Variants in NKAIN3 observed in about 807,000 individuals in gnomAD.
NKAIN3 encodes the protein sodium/potassium transporting ATPase interacting 3, also known as sodium/potassium-transporting ATPase subunit beta-1-interacting protein 3.
A neutral mutation model predicts 30.2 loss-of-function variants in NKAIN3; 25 were observed. The observed-to-expected ratio is 0.83, with a 90% CI of 0.60 to 1.16. The LOEUF (loss-of-function observed/expected upper bound fraction) is 1.16. NKAIN3 is among the 50% of genes most tolerant of loss of function. The probability of loss-of-function intolerance (pLI) is 0.00; values close to 1 mark genes in which losing one functional copy is unlikely to be tolerated. For synonymous variants in NKAIN3, 91 were observed against 89.6 expected (o/e 1.02, Z -0.09); for missense variants, 225 against 254.1 (o/e 0.89, Z 0.78).
chr8:62,817,880 G>A (rs969848058), intron 4 of NKAIN3, among the ~76,000 whole-genome samples: 3 of 152,000 alleles, frequency 2.0e-5, no homozygotes, highest in African/African-American at 7.2e-5. Context: ...TTCATTTATC[G>A]TTTTTGTGTT....
rs565329075 is a variant in NKAIN3 at position 62,688,436 on chromosome 8, A to G, written c.274-58496A>G. Among the ~76,000 whole-genome samples, 22 of 152,312 alleles carry G rather than the reference A, an allele frequency of 1.4e-4. No individual in the cohort carries two copies. In the South Asian group the frequency reaches 3.5e-3, roughly 24 times the overall value. On this transcript the variant is annotated intron_variant, in intron 3 of 6. Transcript: ENST00000623646. The stretch of plus-strand genomic sequence containing the variant: ...GTAGTAGATGTTTGCTAAACATTAA[A>G]TCTGTGCACCTTAAAACATCCAGTA...
intron 1 of NKAIN3, among the ~76,000 whole-genome samples, chr8:62,471,015 G>T (rs1806324889): frequency 6.6e-6 from 1 of 152,084 alleles, no homozygotes; most frequent in Non-Finnish European, 1.5e-5. Flanking sequence ...CAGACATTCA[G>T]TGAAAAATTC....
intron 3 of NKAIN3, among the ~76,000 whole-genome samples, chr8:62,663,779 C>T (rs1025513763): frequency 6.6e-6 from 1 of 152,068 alleles, no homozygotes; most frequent in African/African-American, 2.4e-5. Flanking sequence ...GACAGTAATA[C>T]AAAAGAATAA....
chr8:62,937,144 C>A (rs950413874), intron 5 of NKAIN3, among the ~76,000 whole-genome samples: 1 of 152,050 alleles, frequency 6.6e-6, no homozygotes, highest in Admixed American at 6.6e-5. Context: ...CTATTCTTGA[C>A]CACATTGCAA....
At chr8:62,274,372 A>C (rs1055435010) in intron 1 of NKAIN3, among the ~76,000 whole-genome samples, 1 of 152,036 alleles carries the variant, frequency 6.6e-6, no homozygotes, top group African/African-American at 2.4e-5. Flanking sequence ...GGTGTAGTCT[A>C]TGATCTGTGA....
At chr8:62,497,560 G>A (rs1304215851) in intron 1 of NKAIN3, among the ~76,000 whole-genome samples, 2 of 151,898 alleles carry the variant, frequency 1.3e-5, no homozygotes, top group Non-Finnish European at 2.9e-5. Flanking sequence ...CTACCTACAA[G>A]TTTTTACTTG....
chr8:62,727,426 T>C (rs1815295903), intron 3 of NKAIN3, among the ~76,000 whole-genome samples: 1 of 152,106 alleles, frequency 6.6e-6, no homozygotes, highest in Non-Finnish European at 1.5e-5. Context: ...ACAGATGCCA[T>C]GGTCATCTAT....
At chr8:62,262,219 G>C (rs1229512056) in intron 1 of NKAIN3, among the ~76,000 whole-genome samples, 1 of 152,028 alleles carries the variant, frequency 6.6e-6, no homozygotes, top group Non-Finnish European at 1.5e-5. Flanking sequence ...CATTTCTGTT[G>C]GTAGAAGGTA....
chr8:62,325,899 A>G lies in NKAIN3; in HGVS notation c.54+76772A>G, dbSNP rs181100766. ...TGTTTGAGTTTCTTGTAGATTCTGG[A>G]TATTAGTCTTTTGTGGGATGCGTGG... On this transcript the variant is annotated intron_variant, in intron 1 of 6. Transcript: ENST00000623646. Among the ~76,000 whole-genome samples the G allele has an allele frequency of 8.6e-5, 13 of 151,852 alleles. No homozygotes were observed. In the East Asian group the frequency reaches 2.3e-3, roughly 27 times the overall value.
intron 1 of NKAIN3, among the ~76,000 whole-genome samples, chr8:62,370,605 G>T (rs1222276378): frequency 6.6e-6 from 1 of 151,878 alleles, no homozygotes; most frequent in Non-Finnish European, 1.5e-5. Context: ...GTTATAAACG[G>T]AAAAATCTTC....
At chr8:62,865,861 T>A (rs1820399321) in intron 4 of NKAIN3, among the ~76,000 whole-genome samples, 1 of 152,170 alleles carries the variant, frequency 6.6e-6, no homozygotes, top group Non-Finnish European at 1.5e-5. Flanking sequence ...AGCTACCAAG[T>A]CTTGAGTTCT....
chr8:62,798,277 G>C (rs1817932116), intron 4 of NKAIN3, among the ~76,000 whole-genome samples: 1 of 152,044 alleles, frequency 6.6e-6, no homozygotes, highest in Non-Finnish European at 1.5e-5. Context: ...TCCACTATTA[G>C]AAAGTAAAAA....
In NKAIN3 at chr8:62,588,385, GC is replaced by G. The variant is rs142631434; in HGVS notation, c.193-1328del. On this transcript the variant is annotated intron_variant, in intron 2 of 6. Transcript: ENST00000623646. ...CAACTAAATTTCCAGTGATTTTTGA[GC>G]TTTTACTCATTATTATAATTGTATT... is the stretch of plus-strand genomic sequence containing the variant. Among the ~76,000 whole-genome samples the G allele has an allele frequency of 3.2e-3, 485 of 151,750 alleles. 2 individuals are homozygous for G. Among genetic ancestry groups the G allele is most frequent in the African/African-American group, 0.011 (451 of 41,468 alleles).
At chr8:62,457,308 G>A (rs1805852730) in intron 1 of NKAIN3, among the ~76,000 whole-genome samples, 1 of 152,196 alleles carries the variant, frequency 6.6e-6, no homozygotes, top group Non-Finnish European at 1.5e-5. Context: ...TAAACTACTG[G>A]TAAGTGTTTT....
intron 1 of NKAIN3, among the ~76,000 whole-genome samples, chr8:62,283,552 A>C (rs1221664957): frequency 6.6e-6 from 1 of 152,140 alleles, no homozygotes; most frequent in Non-Finnish European, 1.5e-5. Context: ...TATATATGTC[A>C]TTATATTTTC....
intron 3 of NKAIN3, among the ~76,000 whole-genome samples, chr8:62,719,149 A>G (rs1356984432): frequency 6.6e-6 from 1 of 152,026 alleles, no homozygotes; most frequent in Non-Finnish European, 1.5e-5. Flanking sequence ...TTCATAGTAA[A>G]CTCTCTTTAC....
At chr8:62,511,311 G>T (rs1167011864) in intron 1 of NKAIN3, among the ~76,000 whole-genome samples, 1 of 152,022 alleles carries the variant, frequency 6.6e-6, no homozygotes, top group Admixed American at 6.6e-5. Flanking sequence ...CTCTCTTCAT[G>T]CTCACTTCAC....
intron 4 of NKAIN3, among the ~76,000 whole-genome samples, chr8:62,859,867 G>A (rs1820189285): frequency 6.6e-6 from 1 of 152,094 alleles, no homozygotes; most frequent in Admixed American, 6.6e-5. Flanking sequence ...AGAAGATATA[G>A]CCCAGTAAAT....
chr8:62,713,441 A>G (rs919579135), intron 3 of NKAIN3, among the ~76,000 whole-genome samples: 2 of 152,250 alleles, frequency 1.3e-5, no homozygotes, highest in Admixed American at 1.3e-4. Context: ...AATGCAACAT[A>G]TAGATAACTT....
Sources: gnomAD v4.1 joint callset for allele counts (sites outside exome capture counted in the v4.1 genomes callset) on GRCh38, gnomAD v4.1.1 for gene constraint, MANE v1.5 for transcripts, NCBI Gene and HGNC (gene_info 2026-07-23, HGNC 2026-07-21) for gene names.